Variants in ABLIM2 observed in about 807,000 individuals in gnomAD.
The protein encoded by ABLIM2 is actin-binding LIM protein 2.
In ABLIM2, 53 loss-of-function variants were observed where a neutral mutation model predicts 97.7. That is an observed-to-expected ratio of 0.54 (90% CI 0.44 to 0.68). The LOEUF is 0.68. Ranked by LOEUF, ABLIM2 falls within the 30% of genes least tolerant of loss-of-function variation. The probability of loss-of-function intolerance (pLI) is 0.00; values close to 1 mark genes in which losing one functional copy is unlikely to be tolerated. For missense variants in ABLIM2, 835 were observed against 867.2 expected, an observed-to-expected ratio of 0.96 and a Z score of 0.47; for synonymous variants, 361 against 345.8, an observed-to-expected ratio of 1.04 and a Z score of -0.49.
chr4:7,965,794 T>C lies in ABLIM2; in HGVS notation c.*1196A>G, dbSNP rs1446024323. 2 of 152,170 alleles carry C rather than the reference T, an allele frequency of 1.3e-5. No individual in the cohort carries two copies. Among genetic ancestry groups the C allele is most frequent in the Non-Finnish European group, 2.9e-5 (2 of 68,046 alleles). 9.4% of individuals were successfully genotyped at this position (152,170 alleles called of 1,614,324 possible). Reference sequence around the variant, plus strand: ...AGAAGAGCCACATCTCCATCCTATCTCCATCCTATCTCCATCCTTCTCTCC... The same window carrying C: ...AGAAGAGCCACATCTCCATCCTATCCCCATCCTATCTCCATCCTTCTCTCC... On this transcript the variant is annotated 3_prime_UTR_variant, in exon 21 of 21. Transcript: ENST00000447017.
chr4:8,045,158 A>AGGTG lies in ABLIM2; in HGVS notation c.900+5_900+6insCACC. 1 of 1,613,310 alleles carries AGGTG rather than the reference A, an allele frequency of 6.2e-7. No individual in the cohort carries two copies. Among genetic ancestry groups the AGGTG allele is most frequent in the Non-Finnish European group, 8.5e-7 (1 of 1,179,346 alleles). Reference sequence around the variant, plus strand: ...CCGCCGTCCCCATAAAAAGGCCCTGACTTACATAAATCACACGGCTCGGAG... The same window carrying AGGTG: ...CCGCCGTCCCCATAAAAAGGCCCTGAGGTGCTTACATAAATCACACGGCTCGGAG... On this transcript the variant is annotated splice_donor_region_variant and intron_variant, in intron 9 of 20. Transcript: ENST00000447017.
At chr4:7,981,263 C>A (rs557796540) in intron 20 of ABLIM2, among the ~76,000 whole-genome samples, 32 of 152,188 alleles carry the variant, frequency 2.1e-4, no homozygotes, top group African/African-American at 7.5e-4. Context: ...CTTGTCTTAA[C>A]CCAGATGCTC....
rs974416726 is a variant in ABLIM2 at position 8,097,298 on chromosome 4, C to A, written c.155-16G>T. On this transcript the variant is annotated splice_polypyrimidine_tract_variant and intron_variant, in intron 2 of 20. Coordinates refer to ENST00000447017, the MANE Select transcript of ABLIM2 (RefSeq NM_001130083.2). ...CAGCCACATGCTGGGGGAGGACGGG[C>A]GAGGTGGCGTTAGCGGCAGAGGGGA... The A allele has an allele frequency of 1.3e-6, 2 of 1,553,222 alleles. No homozygotes were observed. The highest frequency in any genetic ancestry group is 2.7e-5 in the African/African-American group (2 of 73,268).
In ABLIM2 at chr4:8,019,621, G is replaced by T; in HGVS notation, c.1420C>A (p.His474Asn). Residue 474 changes from histidine to asparagine, a missense_variant, in exon 14 of 21, where the codon CAT becomes AAT. By Grantham distance (68) the His-to-Asn change is moderately conservative. Transcript: ENST00000447017. The surrounding 1 kb of genome is among the most constrained non-coding windows in gnomAD (Gnocchi z 4.3). ...AGCGGGAGGAATCCAACCGTACCAT[G>T]CTGTCTGTAGATAGGGGGTTTCCTA... ...IYRKPPIYRQ[H>N]AARRSDGEDG... The T allele has an allele frequency of 6.2e-7, 1 of 1,611,482 alleles. No individual in the cohort carries two copies. Among genetic ancestry groups the T allele is most frequent in the Non-Finnish European group, 8.5e-7 (1 of 1,179,028 alleles).
intron 1 of ABLIM2, 149 bp downstream of exon 1, chr4:8,158,531 G>T: frequency 1.0e-6 from 1 of 965,488 alleles, no homozygotes; most frequent in Non-Finnish European, 1.5e-6. Flanking sequence ...CTGGCCCCTC[G>T]GGGCTGCAAA....
At chr4:8,045,571 C>T (rs1339230044) in intron 8 of ABLIM2, among the ~76,000 whole-genome samples, 1 of 152,150 alleles carries the variant, frequency 6.6e-6, no homozygotes, top group African/African-American at 2.4e-5. Flanking sequence ...ATCGCTTAAA[C>T]CTGGGAGGCG....
At chr4:8,014,300 C>T (rs965883362) in intron 14 of ABLIM2, among the ~76,000 whole-genome samples, 5 of 152,264 alleles carry the variant, frequency 3.3e-5, no homozygotes, top group African/African-American at 9.6e-5. Flanking sequence ...CCTGGGACTT[C>T]GAATAGCTGT....
intron 3 of ABLIM2, among the ~76,000 whole-genome samples, chr4:8,089,476 T>A (rs1446250980): frequency 2.0e-5 from 3 of 152,124 alleles, no homozygotes; most frequent in Non-Finnish European, 2.9e-5. Context: ...GGCTCACACT[T>A]GTAATCCCAG....
At chr4:8,088,479 G>A (rs1178891928) in intron 3 of ABLIM2, among the ~76,000 whole-genome samples, 195 bp from the exon 4 acceptor site, 2 of 152,120 alleles carry the variant, frequency 1.3e-5, no homozygotes, top group Non-Finnish European at 2.9e-5. Context: ...GGTAGTCATC[G>A]ACACCTGAGC....
At chr4:8,117,816 T>A (rs975940773) in intron 1 of ABLIM2, among the ~76,000 whole-genome samples, 2 of 152,192 alleles carry the variant, frequency 1.3e-5, no homozygotes, top group Admixed American at 1.3e-4. Context: ...AATTCCCATG[T>A]GGGCCTCTCT....
rs1052671287 is a variant in ABLIM2, at chr4:8,150,066, C to T, written c.10+8614G>A. 6.6e-6 allele frequency among the ~76,000 whole-genome samples: 1 copy of T among 152,182 alleles called. No individual in the cohort carries two copies. The highest frequency in any genetic ancestry group is 2.4e-5 in the African/African-American group (1 of 41,440). On this transcript the variant is annotated intron_variant, in intron 1 of 20. Coordinates refer to ENST00000447017, the MANE Select transcript of ABLIM2 (RefSeq NM_001130083.2). This position sits in a 1 kb window ranked among gnomAD's most constrained non-coding sequence, Gnocchi z 6.3. ...GTTCCCACTGCACCTACTCAGGGAG[C>T]CTAAATGGAGAGAGTTGTGGGGCAA... is the stretch of plus-strand genomic sequence containing the variant.
chr4:8,089,121 G>T (rs537730598), intron 3 of ABLIM2, among the ~76,000 whole-genome samples: 2 of 152,186 alleles, frequency 1.3e-5, no homozygotes, highest in Non-Finnish European at 2.9e-5. Context: ...CCACCTTAAA[G>T]TCCGCCTCCG....
At chr4:8,036,111 G>A in intron 10 of ABLIM2, 38 bp downstream of exon 10, 2 of 1,608,172 alleles carry the variant, frequency 1.2e-6, no homozygotes, top group South Asian at 1.1e-5. Context: ...AGCACTTGGG[G>A]ACACAGGTGT....
rs1398506834 is a variant in ABLIM2 at position 8,140,946 on chromosome 4, G to A, written c.10+17734C>T. Reference sequence around the variant, plus strand: ...GAACTCCTTACTCATTAAAATCCACGGTAAAGCCTGCAGCTGTGGGCTGGT... The same window carrying A: ...GAACTCCTTACTCATTAAAATCCACAGTAAAGCCTGCAGCTGTGGGCTGGT... On this transcript the variant is annotated intron_variant, in intron 1 of 20. Transcript: ENST00000447017. This position sits in a 1 kb window ranked among gnomAD's most constrained non-coding sequence, Gnocchi z 5.9. Among the ~76,000 whole-genome samples, 3 of 152,094 alleles carry A rather than the reference G, an allele frequency of 2.0e-5. No individual in the cohort carries two copies. The highest frequency in any genetic ancestry group is 2.9e-5 in the Non-Finnish European group (2 of 68,018).
In ABLIM2 at chr4:8,036,252, G is replaced by A; in HGVS notation, c.944C>T (p.Ala315Val). 6.2e-7 allele frequency: 1 copy of A among 1,613,884 alleles called. No homozygotes were observed. The highest frequency in any genetic ancestry group is 8.5e-7 in the Non-Finnish European group (1 of 1,179,808). ...ATAGATGGCCTTACTTTTAGGAAGG[G>A]CTGCCAAGTCCCTGTAGTCCAGGAT... ...GEILDYRDLAALPKSKAIYDI... is the reference protein window; with the variant it reads ...GEILDYRDLAVLPKSKAIYDI... Residue 315 changes from alanine to valine, a missense_variant, in exon 10 of 21, where the codon GCC becomes GTC. Transcript: ENST00000447017.
intron 10 of ABLIM2, among the ~76,000 whole-genome samples, chr4:8,035,328 C>G (rs1025598014): frequency 3.3e-5 from 5 of 152,162 alleles, no homozygotes; most frequent in Admixed American, 3.3e-4. Flanking sequence ...CCCACACCAT[C>G]CGCATCGAAC....
chr4:8,110,224 T>C (rs909889490), intron 1 of ABLIM2, among the ~76,000 whole-genome samples: 1 of 152,230 alleles, frequency 6.6e-6, no homozygotes, highest in Non-Finnish European at 1.5e-5. Context: ...TTCTCATCTA[T>C]TGGCAACAAA....
chr4:8,007,666 C>A, intron 16 of ABLIM2: 2 of 1,004,762 alleles, frequency 2.0e-6, no homozygotes, highest in Non-Finnish European at 2.4e-6. Flanking sequence ...TGCCCATCAC[C>A]AACTCCAAGT....
intron 9 of ABLIM2, among the ~76,000 whole-genome samples, chr4:8,041,687 G>A (rs1208041415): frequency 6.6e-6 from 1 of 152,144 alleles, no homozygotes; most frequent in African/African-American, 2.4e-5. Flanking sequence ...TGGATCACCA[G>A]GTTAGGAGAT....
Sources: allele counts gnomAD v4.1 joint callset (sites outside exome capture counted in the v4.1 genomes callset), GRCh38; gene constraint gnomAD v4.1.1; non-coding constraint Gnocchi (gnomAD v3.1); transcripts MANE v1.5; gene names NCBI Gene and HGNC (gene_info 2026-07-23, HGNC 2026-07-21).